ACTN3: variants seen among roughly 807,000 people sequenced by gnomAD.
ACTN3 encodes actinin alpha 3, also known as alpha-actinin-3.
In ACTN3, 91 loss-of-function variants were observed where a neutral mutation model predicts 119.6. The ratio of observed to expected loss-of-function variants is 0.76; its 90% CI spans 0.64 to 0.91. The LOEUF (loss-of-function observed/expected upper bound fraction) is 0.91, where lower values mean the gene tolerates loss of function less well. Ranked by LOEUF, ACTN3 falls within the 40% of genes least tolerant of loss-of-function variation. ACTN3 has a pLI of 0.00. For missense variants in ACTN3, 1,221 were observed against 1,215.1 expected (o/e 1.00, Z -0.07); for synonymous variants, 456 against 478.8 (o/e 0.95, Z 0.62).
intron 1 of ACTN3, among the ~76,000 whole-genome samples, chr11:66,547,821 C>T (rs929556894): frequency 2.6e-5 from 4 of 152,100 alleles, no homozygotes; most frequent in African/African-American, 7.2e-5. Flanking sequence ...GGCAGCACCT[C>T]GGGGGCGCCA....
chr11:66,554,632 G>C lies in ACTN3; in HGVS notation c.557+9G>C. On this transcript the variant is annotated intron_variant, in intron 5 of 20. Coordinates refer to ENST00000513398, the MANE Select transcript of ACTN3 (RefSeq NM_001104.4). ...CAGAACTTCCACACCAGGTCTGTCA[G>C]GTGGTTACCAAATGTGTCTGGGCCT... 6.2e-7 allele frequency: 1 copy of C among 1,607,072 alleles called. No individual in the cohort carries two copies. Among genetic ancestry groups the C allele is most frequent in the Non-Finnish European group, 8.5e-7 (1 of 1,176,410 alleles).
At position 66,558,178 on chromosome 11, in the gene ACTN3, G is replaced by C. The variant is rs745313612; in HGVS notation, c.1276+4G>C. On this transcript the variant is annotated splice_donor_region_variant and intron_variant, in intron 11 of 20. Coordinates refer to ENST00000513398, the MANE Select transcript of ACTN3 (RefSeq NM_001104.4). ...CTGCACGAAGCCTGGACCCGGGGTA[G>C]GTAGACCTACCTCATGGGGCTGGAC... is the stretch of plus-strand genomic sequence containing the variant. 2 of 1,612,318 alleles carry C rather than the reference G, an allele frequency of 1.2e-6. No individual in the cohort carries two copies. Among genetic ancestry groups the C allele is most frequent in the Admixed American group, 3.3e-5 (2 of 60,004 alleles).
At chr11:66,549,787 A>C (rs1195480697) in intron 1 of ACTN3, among the ~76,000 whole-genome samples, 3 of 148,418 alleles carry the variant, frequency 2.0e-5, no homozygotes, top group African/African-American at 7.5e-5. Flanking sequence ...AGACCTGCCT[A>C]TCCCCCTGCC....
At chr11:66,558,612 C>CT (rs1857658760) in intron 11 of ACTN3, among the ~76,000 whole-genome samples, 1 of 152,168 alleles carries the variant, frequency 6.6e-6, no homozygotes, top group South Asian at 2.1e-4. Flanking sequence ...GAGTGATCCA[C>CT]CCACCTCAGC....
Position 66,559,335 on chromosome 11 carries a change from C to G in ACTN3, c.1376C>G (p.Ala459Gly). ...CACGAGGCCTTTGAGAGCGACCTGG[C>G]GGCGCACCAGGACCGCGTGGAGCAC... ...RRHEAFESDL[A>G]AHQDRVEHIA... The change falls in exon 12 of 21, where the codon GCG becomes GGG. Residue 459 changes from alanine to glycine, a missense_variant. Coordinates refer to ENST00000513398, the MANE Select transcript of ACTN3 (RefSeq NM_001104.4). The G allele has an allele frequency of 6.3e-7, 1 of 1,575,274 alleles. No homozygotes were observed. The highest frequency in any genetic ancestry group is 2.5e-5 in the East Asian group (1 of 40,436).
intron 8 of ACTN3, 50 bp downstream of exon 8, chr11:66,556,280 A>G (rs1251311583): frequency 6.3e-7 from 1 of 1,576,326 alleles, no homozygotes; most frequent in Non-Finnish European, 8.7e-7. Flanking sequence ...CAAGGGCCCA[A>G]CCTTGGCTGT....
At chr11:66,557,087 G>A (rs1484159241) in intron 8 of ACTN3, 46 bp from the exon 9 acceptor site, 1 of 1,529,512 alleles carries the variant, frequency 6.5e-7, no homozygotes, top group African/African-American at 1.4e-5. Flanking sequence ...GGGCTTTACA[G>A]AAGCAATTTG....
intron 4 of ACTN3, 86 bp downstream of exon 4, chr11:66,554,217 C>A: frequency 8.8e-7 from 1 of 1,141,470 alleles, no homozygotes; most frequent in Non-Finnish European, 1.3e-6. Context: ...GCGGGCAGAC[C>A]ACTTGAAGGA....
In ACTN3 at chr11:66,562,826, A is replaced by G. The variant is rs1857814949; in HGVS notation, c.2419A>G (p.Met807Val). The G allele has an allele frequency of 6.2e-7, 1 of 1,613,166 alleles. No homozygotes were observed. ...AGTGGAGTTTGCTCGCATCATGACC[A>G]TGGTGGACCCCAACGCAGCTGGGGT... is the stretch of plus-strand genomic sequence containing the variant. ...GEVEFARIMT[M>V]VDPNAAGVVT... The change falls in exon 20 of 21, where the codon ATG becomes GTG. Residue 807 changes from methionine (M) to valine (V), a missense_variant. Met to Val is a conservative substitution (Grantham distance 21). Transcript: ENST00000513398.
rs564738547 is a variant in ACTN3, at chr11:66,557,306, G to A, written c.897+81G>A. On this transcript the variant is annotated intron_variant, in intron 9 of 20. Transcript: ENST00000513398. ...CCCTGCTAACCCCAAGCGTGGGCCT[G>A]CAGAGCCTCCCTCTGCTCAGAGTAG... 466 of 1,352,446 alleles carry A rather than the reference G, an allele frequency of 3.4e-4. 3 individuals are homozygous for A. The African/African-American group carries it at 6.3e-3, about 18-fold the overall frequency. The allele number at this position is 1,352,446 out of a possible 1,614,324, so 83.8% of individuals were successfully genotyped here. A position where few individuals can be genotyped will look rare whatever the true frequency, so the allele number is the denominator to read the frequency against.
At chr11:66,553,832 T>C (rs2511216) in intron 3 of ACTN3, among the ~76,000 whole-genome samples, 68,250 of 140,808 alleles carry the variant, frequency 0.48, 17,013 homozygotes, top group African/African-American at 0.64. Flanking sequence ...CCAGCCTGGG[T>C]GACAGAGCGA....
chr11:66,549,777 A>AGACCTGCCTATC (rs1857436192), intron 1 of ACTN3, among the ~76,000 whole-genome samples: 1 of 140,692 alleles, frequency 7.1e-6, no homozygotes, highest in East Asian at 2.1e-4. Flanking sequence ...GGCACCACCC[A>AGACCTGCCTATC]GACCTGCCTA....
At chr11:66,554,412 C>A (rs368786434) in intron 4 of ACTN3, 124 bp from the exon 5 acceptor site, 2 of 742,092 alleles carry the variant, frequency 2.7e-6, no homozygotes, top group Admixed American at 2.9e-5. Context: ...GAGCCATGAT[C>A]GTGTCACTGC....
At chr11:66,554,491 C>A in intron 4 of ACTN3, 45 bp from the exon 5 acceptor site, 4 of 1,458,652 alleles carry the variant, frequency 2.7e-6, no homozygotes, top group Non-Finnish European at 3.8e-6. Flanking sequence ...AGAGGGCTGA[C>A]CTGGACCCCT....
rs776671067 is a variant in ACTN3 at position 66,559,251 on chromosome 11, T to C, written c.1292T>C (p.Leu431Pro). Residue 431 changes from leucine (L) to proline (P), a missense_variant, in exon 12 of 21, where the codon CTG (leucine) becomes CCG (proline). Physicochemically the swap from Leu to Pro is moderately conservative, Grantham distance 98 (BLOSUM62 -3). Coordinates refer to ENST00000513398, the MANE Select transcript of ACTN3 (RefSeq NM_001104.4). ...CTTTGAGCAGGAAAGGAGGAGATGC[T>C]GAGCCAGCGCGACTACGATTCGGCT... ...EAWTRGKEEMLSQRDYDSALL... is the reference protein window; with the variant it reads ...EAWTRGKEEMPSQRDYDSALL... 2.6e-6 allele frequency: 4 copies of C among 1,555,066 alleles called. No individual in the cohort carries two copies. The highest frequency in any genetic ancestry group is 2.6e-6 in the Non-Finnish European group (3 of 1,151,938).
chr11:66,562,882 G>A lies in ACTN3; in HGVS notation c.2475G>A (p.Met825Ile), dbSNP rs1356830994. Residue 825 changes from methionine to isoleucine, a missense_variant, in exon 20 of 21, where the codon ATG becomes ATA. Coordinates refer to ENST00000513398, the MANE Select transcript of ACTN3 (RefSeq NM_001104.4). ...CCTTCCAGGCCTTCATAGACTTCAT[G>A]ACCCGAGAGACAGCCGAGACTGACA... ...VVTFQAFIDFMTRETAETDTT... is the reference protein window; with the variant it reads ...VVTFQAFIDFITRETAETDTT... The A allele has an allele frequency of 3.1e-6, 5 of 1,613,748 alleles. No homozygotes were observed. The highest frequency in any genetic ancestry group is 4.2e-6 in the Non-Finnish European group (5 of 1,179,848).
Position 66,556,219 on chromosome 11 carries a change from G to C in ACTN3, c.793G>C (p.Gly265Arg). The change falls in exon 8 of 21, where the codon GGG becomes CGG. Residue 265 changes from glycine (G) to arginine (R), a missense_variant. Physicochemically the swap from Gly to Arg is moderately radical, Grantham distance 125 (BLOSUM62 -2). Around this residue, in one of 3 missense-constraint regions of ACTN3, gnomAD observed 934 missense variants for 899.9 expected, o/e 1.04. Coordinates refer to ENST00000513398, the MANE Select transcript of ACTN3 (RefSeq NM_001104.4). ...YVSCFYHAFAGAEQAETAANR... is the reference protein window; with the variant it reads ...YVSCFYHAFARAEQAETAANR... ...GTCCTGCTTCTACCATGCCTTTGCC[G>C]GGGCTGAGCAGGTAAGGCGGCCCAA... The C allele has an allele frequency of 6.2e-7, 1 of 1,613,744 alleles. No homozygotes were observed. The highest frequency in any genetic ancestry group is 8.5e-7 in the Non-Finnish European group (1 of 1,179,854).
Position 66,546,978 on chromosome 11 carries a change from A to T in ACTN3, c.41A>T (p.Glu14Val). 1 of 1,522,776 alleles carries T rather than the reference A, an allele frequency of 6.6e-7. No individual in the cohort carries two copies. 94.3% of individuals were successfully genotyped at this position (1,522,776 alleles called of 1,614,324 possible). A position where few individuals can be genotyped will look rare whatever the true frequency, so the allele number is the denominator to read the frequency against. ...VMQPEGLGAGEGRFAGGGGGG... is the reference protein window; with the variant it reads ...VMQPEGLGAGVGRFAGGGGGG... ...CAGCCCGAGGGTCTGGGGGCCGGGG[A>T]GGGGCGCTTTGCGGGCGGCGGCGGG... Residue 14 changes from glutamate (E) to valine (V), a missense_variant, in exon 1 of 21, where the codon GAG becomes GTG. Transcript: ENST00000513398.
At chr11:66,549,379 C>A (rs1857427045) in intron 1 of ACTN3, among the ~76,000 whole-genome samples, 1 of 152,172 alleles carries the variant, frequency 6.6e-6, no homozygotes, top group African/African-American at 2.4e-5. Context: ...GCTTCTCAGA[C>A]CAAAATGACT....
Sources: allele counts gnomAD v4.1 joint callset (sites outside exome capture counted in the v4.1 genomes callset), GRCh38; gene constraint gnomAD v4.1.1; regional missense constraint gnomAD v4.1.1; transcripts MANE v1.5; gene names NCBI Gene and HGNC (gene_info 2026-07-23, HGNC 2026-07-21).